Variants in LUC7L2 observed in about 807,000 individuals in gnomAD.
LUC7L2 encodes the protein LUC7 like 2, pre-mRNA splicing factor.
LUC7L2 carries 25 observed loss-of-function variants against 52.8 expected under a neutral mutation model. The ratio of observed to expected loss-of-function variants is 0.47; its 90% CI spans 0.34 to 0.66. LUC7L2 has a LOEUF of 0.66. LUC7L2 is among the 30% of genes least tolerant of loss of function. The pLI is 0.01. For synonymous variants in LUC7L2, 144 were observed against 160.9 expected (o/e 0.89, Z 0.80); for missense variants, 328 against 497.8 (o/e 0.66, Z 3.25).
chr7:139,375,153 C>CA (rs995308123), intron 1 of LUC7L2: 4 of 982,472 alleles, frequency 4.1e-6, no homozygotes, highest in East Asian at 1.1e-4. Context: ...AGATTCTAAG[C>CA]AAAAAAATTT....
chr7:139,398,748 T>A (rs1259503099), intron 3 of LUC7L2, 51 bp downstream of exon 3: 3 of 1,547,768 alleles, frequency 1.9e-6, no homozygotes, highest in Admixed American at 1.8e-5. Context: ...TGTAAAACAT[T>A]GTGAATGTGG....
chr7:139,375,126 C>G (rs1172739620), intron 1 of LUC7L2: 2 of 983,870 alleles, frequency 2.0e-6, no homozygotes, highest in African/African-American at 3.5e-5. Flanking sequence ...TGAGTTTTTT[C>G]TTTTGTTTTT....
intron 1 of LUC7L2, among the ~76,000 whole-genome samples, chr7:139,349,750 G>A (rs1317406518): frequency 5.3e-5 from 8 of 151,682 alleles, no homozygotes; most frequent in African/African-American, 9.7e-5. Flanking sequence ...ATGAATTAAC[G>A]TATTCAAAGA....
At chr7:139,360,429 C>T (rs1199157981) in intron 1 of LUC7L2, 107 bp downstream of exon 1, 3 of 1,027,072 alleles carry the variant, frequency 2.9e-6, no homozygotes, top group Non-Finnish European at 1.4e-6. Flanking sequence ...GTAAGGGGCT[C>T]CCAGATTGGT....
intron 8 of LUC7L2, among the ~76,000 whole-genome samples, chr7:139,413,166 A>C (rs1004365685): frequency 6.6e-6 from 1 of 152,190 alleles, no homozygotes; most frequent in Admixed American, 6.5e-5. Flanking sequence ...TTTGACTTTC[A>C]GCGTTAATAT....
At chr7:139,406,455 C>T (rs530252493) in intron 5 of LUC7L2, among the ~76,000 whole-genome samples, 2 of 150,882 alleles carry the variant, frequency 1.3e-5, no homozygotes, top group African/African-American at 4.9e-5. Flanking sequence ...TGGGTTCAGG[C>T]GATTCTCTTG....
At chr7:139,399,671 G>C (rs953308273) in intron 3 of LUC7L2, among the ~76,000 whole-genome samples, 1 of 151,576 alleles carries the variant, frequency 6.6e-6, no homozygotes, top group Non-Finnish European at 1.5e-5. Context: ...GGGTTTCACC[G>C]TGTTAGCTAG....
At chr7:139,374,455 C>G (rs1386214709) in intron 1 of LUC7L2, 2 of 1,550,684 alleles carry the variant, frequency 1.3e-6, no homozygotes, top group Non-Finnish European at 1.7e-6. Flanking sequence ...TCAGAAAGGC[C>G]CCGCATTCGC....
rs113337494 is a variant in LUC7L2, at chr7:139,348,225, T to TGG, written c.-26+7712_-26+7713dup. Among the ~76,000 whole-genome samples the TGG allele has an allele frequency of 2.2e-4, 33 of 149,456 alleles. No homozygotes were observed. The South Asian group carries it at 2.5e-3, about 11-fold the overall frequency. ...TTTTTCCTTTTTTTTTTAATAGAGATGGGGGTCTCACTGTGTTGCCCAGGT... is the reference window on the plus strand; with the variant it reads ...TTTTTCCTTTTTTTTTTAATAGAGATGGGGGGGTCTCACTGTGTTGCCCAGGT... On this transcript the variant is annotated intron_variant, in intron 1 of 10. Coordinates refer to the LUC7L2 transcript ENST00000541170.
chr7:139,345,248 G>A (rs187375343), intron 1 of LUC7L2, among the ~76,000 whole-genome samples: 1 of 152,204 alleles, frequency 6.6e-6, no homozygotes, highest in African/African-American at 2.4e-5. Context: ...GAAACTAGAT[G>A]ACTTCTTGCA....
At chr7:139,409,959 G>A (rs1259255657) in intron 7 of LUC7L2, among the ~76,000 whole-genome samples, 2 of 152,172 alleles carry the variant, frequency 1.3e-5, no homozygotes, top group Non-Finnish European at 2.9e-5. Flanking sequence ...TGTAATTCCA[G>A]CACTTTGGGA....
chr7:139,382,099 CCAGGGTGG>C (rs1307711231), intron 2 of LUC7L2, among the ~76,000 whole-genome samples: 2 of 151,802 alleles, frequency 1.3e-5, no homozygotes, highest in African/African-American at 4.8e-5. Flanking sequence ...ACCATGTTGG[CCAGGGTGG>C]TCTCAATCTC....
intron 1 of LUC7L2, among the ~76,000 whole-genome samples, chr7:139,343,204 A>G (rs966680896): frequency 6.6e-6 from 1 of 152,230 alleles, no homozygotes; most frequent in Non-Finnish European, 1.5e-5. Flanking sequence ...GGGCTTATAT[A>G]TTAATAGAAG....
intron 1 of LUC7L2, among the ~76,000 whole-genome samples, chr7:139,369,414 C>G (rs562632187): frequency 6.6e-6 from 1 of 152,228 alleles, no homozygotes; most frequent in African/African-American, 2.4e-5. Flanking sequence ...GATAGATTTC[C>G]TAAAGCACAT....
chr7:139,391,712 C>G (rs1794458556), intron 2 of LUC7L2, among the ~76,000 whole-genome samples: 1 of 152,088 alleles, frequency 6.6e-6, no homozygotes, highest in Non-Finnish European at 1.5e-5. Context: ...CCTCAGCCTC[C>G]TGAGTAGTTG....
chr7:139,412,825 TAA>T (rs10593094), intron 8 of LUC7L2: 12,473 of 122,152 alleles, frequency 0.1, 681 homozygotes, highest in Non-Finnish European at 0.15. Flanking sequence ...ACTCTGTCTT[TAA>T]AAAAAAAAAA....
In LUC7L2 at chr7:139,407,319, T is replaced by C. The variant is rs1422434036; in HGVS notation, c.656T>C (p.Ile219Thr). The part of the protein sequence containing the change: ...HFGGKLHLGF[I>T]EIREKLEELK... ...GGGGGTAAACTGCACCTGGGATTTATTGAAATAAGAGAGAAGCTTGAAGAA... is the reference window on the plus strand; with the variant it reads ...GGGGGTAAACTGCACCTGGGATTTACTGAAATAAGAGAGAAGCTTGAAGAA... Residue 219 changes from isoleucine (I) to threonine (T), a missense_variant, in exon 6 of 10, where the codon ATT (isoleucine) becomes ACT (threonine). Ile to Thr is a moderately conservative substitution (Grantham distance 89, BLOSUM62 -1). Around this residue, in one of 2 missense-constraint regions of LUC7L2, gnomAD observed 133 missense variants for 274.4 expected, o/e 0.48. Transcript: ENST00000354926. 1.2e-6 allele frequency: 2 copies of C among 1,610,336 alleles called. No homozygotes were observed. The highest frequency in any genetic ancestry group is 1.7e-6 in the Non-Finnish European group (2 of 1,177,958).
chr7:139,423,120 AAATAAT>A lies in LUC7L2; in HGVS notation c.*789_*794del, dbSNP rs747878107. The A allele has an allele frequency of 1.5e-5, 6 of 399,002 alleles. No individual in the cohort carries two copies. The highest frequency in any genetic ancestry group is 6.3e-4 in the Middle Eastern group (1 of 1,588). 24.7% of individuals were successfully genotyped at this position (399,002 alleles called of 1,614,324 possible). ...TAAAGGCTACACCCTTATTGTAAAA[AAATAAT>A]AATAATAAAATGAAAGAAACAATCA... On this transcript the variant is annotated 3_prime_UTR_variant, in exon 10 of 10. Coordinates refer to ENST00000354926, the MANE Select transcript of LUC7L2 (RefSeq NM_016019.5).
chr7:139,412,617 G>A, intron 8 of LUC7L2, 37 bp downstream of exon 8: 1 of 1,561,310 alleles, frequency 6.4e-7, no homozygotes, highest in Non-Finnish European at 8.6e-7. Flanking sequence ...AAGTAGTGAA[G>A]TTGTCTTTTT....
Sources: allele counts gnomAD v4.1 joint callset (sites outside exome capture counted in the v4.1 genomes callset), GRCh38; gene constraint gnomAD v4.1.1; regional missense constraint gnomAD v4.1.1; transcripts MANE v1.5; gene names NCBI Gene and HGNC (gene_info 2026-07-23, HGNC 2026-07-21).